The following CNTN5 variants were observed in gnomAD, a reference collection of about 807,000 sequenced individuals.
The protein encoded by CNTN5 is contactin-5.
A neutral mutation model predicts 129.1 loss-of-function variants in CNTN5; 77 were observed. The observed-to-expected ratio is 0.60, with a 90% CI of 0.50 to 0.72. The LOEUF (loss-of-function observed/expected upper bound fraction) is 0.72. Among genes scored for constraint, CNTN5 ranks in the 30% least tolerant of loss-of-function variants. CNTN5 has a pLI of 0.00. For synonymous variants in CNTN5, 509 were observed against 465.6 expected (o/e 1.09, Z -1.20); for missense variants, 1,478 against 1,328.8 (o/e 1.11, Z -1.75).
intron 7 of CNTN5, among the ~76,000 whole-genome samples, chr11:99,923,936 C>T (rs983340125): frequency 6.6e-6 from 1 of 152,030 alleles, no homozygotes; most frequent in South Asian, 2.1e-4. Flanking sequence ...GTACTACAGG[C>T]GCACACCACC....
chr11:100,204,344 A>ATATATATAT (rs1948869660), intron 15 of CNTN5, among the ~76,000 whole-genome samples: 3 of 103,818 alleles, frequency 2.9e-5, no homozygotes, highest in Non-Finnish European at 6.1e-5. Flanking sequence ...ATATATATAT[A>ATATATATAT]ATTATAGGCA....
chr11:99,449,314 C>T (rs1944203991), intron 2 of CNTN5, among the ~76,000 whole-genome samples: 1 of 152,040 alleles, frequency 6.6e-6, no homozygotes, highest in African/African-American at 2.4e-5. Flanking sequence ...TAAATAAAAG[C>T]CATTAGCTAA....
chr11:99,256,430 C>G (rs921824572), intron 1 of CNTN5, among the ~76,000 whole-genome samples: 5 of 152,028 alleles, frequency 3.3e-5, no homozygotes, highest in Admixed American at 6.6e-5. Flanking sequence ...AGAACTATTA[C>G]AGTTGAATTC....
At chr11:99,404,045 G>T (rs75826982) in intron 2 of CNTN5, among the ~76,000 whole-genome samples, 113,040 of 151,696 alleles carry the variant, frequency 0.75, 42,960 homozygotes, top group African/African-American at 0.9. Context: ...CTAGTATCGG[G>T]TGCATATATA....
At chr11:99,113,361 T>C (rs926376380) in intron 1 of CNTN5, among the ~76,000 whole-genome samples, 7 of 152,088 alleles carry the variant, frequency 4.6e-5, no homozygotes, top group African/African-American at 1.7e-4. Context: ...AGGACCTAAG[T>C]TAACATCTTG....
intron 9 of CNTN5, among the ~76,000 whole-genome samples, chr11:100,023,655 A>G (rs561598795): frequency 5.3e-5 from 8 of 152,322 alleles, no homozygotes; most frequent in South Asian, 2.1e-4. Context: ...TCTGGGTTCC[A>G]TCTACCCATC....
At chr11:99,116,528 A>G (rs891861263) in intron 1 of CNTN5, among the ~76,000 whole-genome samples, 2 of 152,196 alleles carry the variant, frequency 1.3e-5, no homozygotes, top group Non-Finnish European at 2.9e-5. Flanking sequence ...ACGTTACATA[A>G]TAGGCATGCA....
At chr11:100,313,077 G>A (rs1049098224) in intron 21 of CNTN5, among the ~76,000 whole-genome samples, 3 of 151,994 alleles carry the variant, frequency 2.0e-5, no homozygotes, top group Non-Finnish European at 4.4e-5. Flanking sequence ...GATATGTATA[G>A]ATATATGGGT....
chr11:99,418,778 T>G (rs1386875251), intron 2 of CNTN5, among the ~76,000 whole-genome samples: 2 of 152,178 alleles, frequency 1.3e-5, no homozygotes, highest in African/African-American at 4.8e-5. Context: ...TTCTTAAGTA[T>G]CTGTCGAATC....
chr11:99,410,355 A>G (rs1237946311), intron 2 of CNTN5, among the ~76,000 whole-genome samples: 2 of 152,194 alleles, frequency 1.3e-5, no homozygotes, highest in Non-Finnish European at 2.9e-5. Context: ...GAAAACAAGG[A>G]CAAGAATTAA....
At chr11:100,161,898 C>CAAAAAAA (rs1442381734) in intron 13 of CNTN5, among the ~76,000 whole-genome samples, 1 of 148,608 alleles carries the variant, frequency 6.7e-6, no homozygotes, top group South Asian at 2.1e-4. Context: ...AAACAAAAAA[C>CAAAAAAA]ACACCTAAGC....
chr11:99,029,446 G>A (rs529569733), intron 1 of CNTN5, among the ~76,000 whole-genome samples: 2 of 152,038 alleles, frequency 1.3e-5, no homozygotes, highest in African/African-American at 2.4e-5. Flanking sequence ...ATGGAAAATC[G>A]TTCAGTCAGG....
chr11:99,858,642 C>T (rs1316263236), intron 6 of CNTN5, among the ~76,000 whole-genome samples: 5 of 129,808 alleles, frequency 3.9e-5, no homozygotes, highest in Admixed American at 7.6e-5. Context: ...TTTTATTCAT[C>T]TAATTTAGTG....
At chr11:99,652,429 G>A (rs989835459) in intron 3 of CNTN5, among the ~76,000 whole-genome samples, 3 of 152,018 alleles carry the variant, frequency 2.0e-5, no homozygotes, top group Non-Finnish European at 4.4e-5. Flanking sequence ...GAGAGTGACT[G>A]TTCTATATGA....
intron 2 of CNTN5, among the ~76,000 whole-genome samples, chr11:99,443,843 T>C (rs189563596): frequency 6.6e-6 from 1 of 152,142 alleles, no homozygotes. Flanking sequence ...GCTTTTATGA[T>C]TTGGAACACA....
rs77667217 is a variant in CNTN5 at position 99,528,965 on chromosome 11, C to T, written c.-70-27180C>T. Among the ~76,000 whole-genome samples the T allele has an allele frequency of 1.1e-3, 164 of 150,822 alleles. 1 individual carries two copies. Among genetic ancestry groups the T allele is most frequent in the African/African-American group, 3.8e-3 (155 of 41,216 alleles). ...CCATAATACCAGCTAATACCAGCTACTAGGGAGGCTGAGGCAGAAGAATTG... is the reference window on the plus strand; with the variant it reads ...CCATAATACCAGCTAATACCAGCTATTAGGGAGGCTGAGGCAGAAGAATTG... On this transcript the variant is annotated intron_variant, in intron 2 of 24. Transcript: ENST00000524871.
intron 2 of CNTN5, among the ~76,000 whole-genome samples, chr11:99,329,954 C>T (rs1364907485): frequency 7.3e-6 from 1 of 136,838 alleles, no homozygotes; most frequent in African/African-American, 2.9e-5. Context: ...CACACACACA[C>T]ACAATCCCTT....
chr11:99,407,135 A>T (rs994357777), intron 2 of CNTN5, among the ~76,000 whole-genome samples: 9 of 152,030 alleles, frequency 5.9e-5, no homozygotes, highest in African/African-American at 2.2e-4. Context: ...TTTGCCCCAT[A>T]GCCACCACAT....
At chr11:99,410,387 T>C (rs1942339047) in intron 2 of CNTN5, among the ~76,000 whole-genome samples, 1 of 152,146 alleles carries the variant, frequency 6.6e-6, no homozygotes, top group Non-Finnish European at 1.5e-5. Context: ...AAAATGCACA[T>C]ACCTTTCCTT....
Sources: gnomAD v4.1 joint callset for allele counts (sites outside exome capture counted in the v4.1 genomes callset) on GRCh38, gnomAD v4.1.1 for gene constraint, MANE v1.5 for transcripts, NCBI Gene and HGNC (gene_info 2026-07-23, HGNC 2026-07-21) for gene names.